UBE2D2: variants seen among roughly 807,000 people sequenced by gnomAD.
The protein encoded by UBE2D2 is ubiquitin conjugating enzyme E2 D2.
UBE2D2 carries 2 observed loss-of-function variants against 24.2 expected under a neutral mutation model. That is an observed-to-expected ratio of 0.08 (90% CI 0.03 to 0.26). UBE2D2 has a LOEUF of 0.26. Among genes scored for constraint, UBE2D2 ranks in the 10% least tolerant of loss-of-function variants. The probability of loss-of-function intolerance (pLI) is 1.00; values close to 1 mark genes in which losing one functional copy is unlikely to be tolerated. For missense variants in UBE2D2, 44 were observed against 177.6 expected (o/e 0.25, Z 4.28); for synonymous variants, 58 against 56.5 (o/e 1.03, Z -0.12).
intron 1 of UBE2D2, among the ~76,000 whole-genome samples, chr5:139,549,708 G>A (rs779534865): frequency 1.2e-4 from 19 of 152,332 alleles, no homozygotes; most frequent in South Asian, 6.2e-4. Flanking sequence ...CCCATCGACC[G>A]CCCAAGGGCT....
Position 139,561,634 on chromosome 5 carries a change from C to T in UBE2D2, c.-158C>T, listed in dbSNP as rs757278300. The T allele has an allele frequency of 1.1e-3, 592 of 524,402 alleles. No homozygotes were observed. Among genetic ancestry groups the T allele is most frequent in the Non-Finnish European group, 1.4e-3 (427 of 311,068 alleles). 32.5% of individuals were successfully genotyped at this position (524,402 alleles called of 1,614,324 possible). On this transcript the variant is annotated 5_prime_UTR_variant, in exon 1 of 7. Transcript: ENST00000398733. ...GGCAGGCCCAGGAGCTGAGTGGGCC[C>T]CGGCCCTCAGCCCGTCCCGCCGGAC...
intron 2 of UBE2D2, among the ~76,000 whole-genome samples, chr5:139,609,617 C>T (rs915599033): frequency 1.8e-4 from 27 of 151,100 alleles, no homozygotes; most frequent in African/African-American, 5.8e-4. Context: ...GTGATCCGCT[C>T]GCCTCGGCCT....
chr5:139,542,679 G>A (rs1370529940), intron 1 of UBE2D2, among the ~76,000 whole-genome samples: 1 of 152,026 alleles, frequency 6.6e-6, no homozygotes, highest in African/African-American at 2.4e-5. Context: ...GTTCATAGCA[G>A]CATTACTCAC....
chr5:139,546,193 A>AC (rs766619641), intron 1 of UBE2D2, among the ~76,000 whole-genome samples: 17 of 151,200 alleles, frequency 1.1e-4, no homozygotes, highest in Non-Finnish European at 2.2e-4. Context: ...ACAGCTGCCC[A>AC]CCACCATGCC....
At chr5:139,549,671 G>A (rs1048992633) in intron 1 of UBE2D2, among the ~76,000 whole-genome samples, 8 of 152,218 alleles carry the variant, frequency 5.3e-5, no homozygotes, top group African/African-American at 9.6e-5. Flanking sequence ...CCGACGGGGC[G>A]CCACCCCCTG....
chr5:139,600,232 A>G (rs1013681637), intron 1 of UBE2D2, 140 bp from the exon 2 acceptor site: 7 of 893,332 alleles, frequency 7.8e-6, no homozygotes, highest in African/African-American at 1.6e-5. Flanking sequence ...TCACCAATCT[A>G]CTCATCTCTT....
At chr5:139,591,378 C>G (rs1327075207) in intron 1 of UBE2D2, among the ~76,000 whole-genome samples, 1 of 152,072 alleles carries the variant, frequency 6.6e-6, no homozygotes. Flanking sequence ...CCTCAGCCTC[C>G]CAAAGTGCTG....
chr5:139,559,797 G>A (rs1056388020), upstream of UBE2D2, among the ~76,000 whole-genome samples: 8 of 152,242 alleles, frequency 5.3e-5, no homozygotes, highest in Admixed American at 5.2e-4. Flanking sequence ...AAAACGCCAG[G>A]GGTAGATTTC....
chr5:139,623,713 A>G (rs1754561925), intron 6 of UBE2D2: 1 of 306,124 alleles, frequency 3.3e-6, no homozygotes, highest in African/African-American at 2.1e-5. Context: ...TTTTTTTGAG[A>G]CAGGGTCTTA....
At chr5:139,601,682 G>A (rs933126636) in intron 2 of UBE2D2, among the ~76,000 whole-genome samples, 2 of 151,914 alleles carry the variant, frequency 1.3e-5, no homozygotes, top group Non-Finnish European at 2.9e-5. Flanking sequence ...AGGCCGAGGC[G>A]GGCGGATCAC....
At chr5:139,612,618 G>C (rs959343461) in intron 2 of UBE2D2, among the ~76,000 whole-genome samples, 2 of 152,166 alleles carry the variant, frequency 1.3e-5, no homozygotes, top group Non-Finnish European at 2.9e-5. Context: ...TAGAAGAACA[G>C]GTCCCTTGAC....
chr5:139,585,861 C>T (rs1291680347), intron 1 of UBE2D2, among the ~76,000 whole-genome samples: 8 of 139,342 alleles, frequency 5.7e-5, no homozygotes, highest in Non-Finnish European at 1.1e-4. Context: ...CACTTGAACC[C>T]GGGAGGTGGA....
chr5:139,626,174 T>C (rs951430676), intron 6 of UBE2D2, among the ~76,000 whole-genome samples: 2 of 151,914 alleles, frequency 1.3e-5, no homozygotes, highest in Non-Finnish European at 2.9e-5. Context: ...GCTCAAACGA[T>C]CTTCCCACCT....
chr5:139,607,032 C>G (rs1754214642), intron 2 of UBE2D2, among the ~76,000 whole-genome samples: 1 of 152,158 alleles, frequency 6.6e-6, no homozygotes, highest in Non-Finnish European at 1.5e-5. Context: ...TCTTGAACTC[C>G]TGACCTCGTG....
At position 139,600,442 on chromosome 5, in the gene UBE2D2, A is replaced by C; in HGVS notation, c.88+7A>C. 1 of 1,613,838 alleles carries C rather than the reference A, an allele frequency of 6.2e-7. No individual in the cohort carries two copies. Among genetic ancestry groups the C allele is most frequent in the Admixed American group, 1.7e-5 (1 of 59,984 alleles). The stretch of plus-strand genomic sequence containing the variant: ...GGTCCTGTTGGAGATGATAGTAAGT[A>C]TTTAAAAGGAATAATGGAGTAATAG... On this transcript the variant is annotated splice_region_variant and intron_variant, in intron 2 of 6. Transcript: ENST00000398733.
At chr5:139,583,422 T>A (rs908973926) in intron 1 of UBE2D2, among the ~76,000 whole-genome samples, 2 of 152,208 alleles carry the variant, frequency 1.3e-5, no homozygotes, top group African/African-American at 2.4e-5. Flanking sequence ...GTATTCATAT[T>A]TCCGAACAAC....
chr5:139,583,359 A>G (rs1487852918), intron 1 of UBE2D2, among the ~76,000 whole-genome samples: 2 of 152,216 alleles, frequency 1.3e-5, no homozygotes, highest in Admixed American at 6.6e-5. Context: ...TGAAGTAAAT[A>G]AGTATGTGAG....
chr5:139,602,692 A>G (rs928304721), intron 2 of UBE2D2, among the ~76,000 whole-genome samples: 2 of 152,152 alleles, frequency 1.3e-5, no homozygotes, highest in Non-Finnish European at 2.9e-5. Context: ...AAAAACAACA[A>G]CAACAACAAC....
In UBE2D2 at chr5:139,533,063, G is replaced by A. The variant is rs562112707; in HGVS notation, c.-64+6451G>A. 1.4e-4 allele frequency among the ~76,000 whole-genome samples: 21 copies of A among 150,688 alleles called. No individual in the cohort carries two copies. In the South Asian group the frequency reaches 3.8e-3, roughly 27 times the overall value. ...GCGGAGGTTGCAGTAAGCTGAGATC[G>A]CGCCACTGGACTCCAGCCTGGGTGA... is the stretch of plus-strand genomic sequence containing the variant. On this transcript the variant is annotated intron_variant, in intron 1 of 6. Coordinates refer to the UBE2D2 transcript ENST00000511725.
Sources: allele counts gnomAD v4.1 joint callset (sites outside exome capture counted in the v4.1 genomes callset), GRCh38; gene constraint gnomAD v4.1.1; transcripts MANE v1.5; gene names NCBI Gene and HGNC (gene_info 2026-07-23, HGNC 2026-07-21).